Variants in GLIS1 observed in about 807,000 individuals in gnomAD.
GLIS1 encodes GLIS family zinc finger 1, also known as zinc finger protein GLIS1.
Under a neutral mutation model 63.8 loss-of-function variants are expected in GLIS1, and 24 were observed. The observed-to-expected ratio is 0.38, with a 90% CI of 0.27 to 0.53. The LOEUF is 0.53. Among genes scored for constraint, GLIS1 ranks in the 20% least tolerant of loss-of-function variants. The pLI, the probability that GLIS1 is intolerant of heterozygous loss-of-function variation, is 0.85. For missense variants in GLIS1, 1,036 were observed against 1,074.1 expected (o/e 0.96, Z 0.50); for synonymous variants, 450 against 482.5 (o/e 0.93, Z 0.88).
At chr1:53,687,109 G>A (rs1474919340) in intron 2 of GLIS1, among the ~76,000 whole-genome samples, 3 of 152,178 alleles carry the variant, frequency 2.0e-5, no homozygotes, top group African/African-American at 4.8e-5. Context: ...ACTGGAACCC[G>A]GAATCTCCTG....
chr1:53,580,015 T>C (rs1356883523), intron 4 of GLIS1, among the ~76,000 whole-genome samples: 2 of 152,214 alleles, frequency 1.3e-5, no homozygotes, highest in Non-Finnish European at 2.9e-5. Context: ...GGAAAATGCA[T>C]GTGCAGCCAC....
At chr1:53,669,119 G>C (rs1333900588) in intron 2 of GLIS1, among the ~76,000 whole-genome samples, 1 of 152,200 alleles carries the variant, frequency 6.6e-6, no homozygotes, top group Non-Finnish European at 1.5e-5. Context: ...CTAGCTCAGC[G>C]CTCCTGCAGA....
chr1:53,600,200 G>A lies in GLIS1; in HGVS notation c.338C>T (p.Pro113Leu). The change falls in exon 3 of 11, where the codon CCC becomes CTC. Residue 113 changes from proline (P) to leucine (L), a missense_variant. Around this residue, in one of 3 missense-constraint regions of GLIS1, gnomAD observed 592 missense variants for 593.9 expected, o/e 1.00. Coordinates refer to ENST00000628545, the MANE Select transcript of GLIS1 (RefSeq NM_001367484.1). ...GAGAAACAGGCCCTGGCAGCAGGTG[G>A]GGCCAGGGCCCTCAGCAAGGTCCAG... Reference protein sequence around the residue: ...LDLDLAEGPGPTCCQGLFLPA... With the variant: ...LDLDLAEGPGLTCCQGLFLPA... The A allele has an allele frequency of 1.6e-6, 2 of 1,231,290 alleles. No individual in the cohort carries two copies. Among genetic ancestry groups the A allele is most frequent in the Non-Finnish European group, 2.0e-6 (2 of 987,170 alleles). The allele number at this position is 1,231,290 out of a possible 1,614,324, so 76.3% of individuals were successfully genotyped here. A position where few individuals can be genotyped will look rare whatever the true frequency, so the allele number is the denominator to read the frequency against.
At chr1:53,577,556 A>T (rs553007012) in intron 4 of GLIS1, among the ~76,000 whole-genome samples, 29 of 152,270 alleles carry the variant, frequency 1.9e-4, no homozygotes, top group African/African-American at 7.0e-4. Context: ...TATGCCTCCC[A>T]CAAAGCAGGG....
At chr1:53,738,157 T>G in intron 1 of GLIS1, 51 bp from the exon 2 acceptor site, 2 of 1,110,582 alleles carry the variant, frequency 1.8e-6, no homozygotes, top group African/African-American at 3.2e-5. Flanking sequence ...GCGGCCCCCG[T>G]ATTGTCCCGG....
rs1644269523 is a variant in GLIS1 at position 53,509,167 on chromosome 1, AG to A, written c.2182del (p.Leu728CysfsTer97). 1 of 1,600,494 alleles carries A rather than the reference AG, an allele frequency of 6.2e-7. No homozygotes were observed. Among genetic ancestry groups the A allele is most frequent in the African/African-American group, 1.3e-5 (1 of 74,876 alleles). ...GAGGCTGTGGTAGCCATTGGGCCGCAGGGGGTTGAAACCGTGGGTCTCCCCG... is the reference window on the plus strand; with the variant it reads ...GAGGCTGTGGTAGCCATTGGGCCGCAGGGGTTGAAACCGTGGGTCTCCCCG... ...LVGETHGFNP[L>X]RPNGYHSLST... On this transcript the variant is annotated frameshift_variant, in exon 10 of 11. Transcript: ENST00000628545. LOFTEE classifies it high-confidence loss of function.
At chr1:53,551,138 C>T (rs370184036) in intron 4 of GLIS1, among the ~76,000 whole-genome samples, 95 of 152,278 alleles carry the variant, frequency 6.2e-4, no homozygotes, top group South Asian at 6.2e-3. Flanking sequence ...TGAGCCACTG[C>T]GCCCGGCCAG....
chr1:53,627,338 C>T (rs555011475), intron 2 of GLIS1, among the ~76,000 whole-genome samples: 2 of 152,172 alleles, frequency 1.3e-5, no homozygotes, highest in African/African-American at 2.4e-5. Flanking sequence ...AGGCAGTCCT[C>T]GTGGGCACCG....
intron 2 of GLIS1, among the ~76,000 whole-genome samples, chr1:53,611,321 C>T (rs1278984724): frequency 2.6e-5 from 4 of 152,152 alleles, no homozygotes; most frequent in Non-Finnish European, 4.4e-5. Context: ...AACTTCTGGG[C>T]TCAAGTGATC....
intron 7 of GLIS1, among the ~76,000 whole-genome samples, chr1:53,516,807 A>AAAAAAAC (rs1357845531): frequency 6.6e-6 from 1 of 151,930 alleles, no homozygotes; most frequent in South Asian, 2.1e-4. Context: ...CATCTCAAAA[A>AAAAAAAC]AAAAAACAAA....
At chr1:53,508,361 C>T (rs183058208) in intron 10 of GLIS1, among the ~76,000 whole-genome samples, 1 of 152,206 alleles carries the variant, frequency 6.6e-6, no homozygotes, top group African/African-American at 2.4e-5. Flanking sequence ...TGTCCCTCCA[C>T]CCTCCCGCTC....
intron 2 of GLIS1, among the ~76,000 whole-genome samples, chr1:53,633,772 A>T (rs188425109): frequency 1.1e-4 from 17 of 152,114 alleles, no homozygotes; most frequent in Non-Finnish European, 2.2e-4. Flanking sequence ...ATGCGTGCAC[A>T]CACCCAGGTG....
At chr1:53,543,844 A>T (rs1644669974) in intron 4 of GLIS1, among the ~76,000 whole-genome samples, 1 of 152,092 alleles carries the variant, frequency 6.6e-6, no homozygotes, top group Non-Finnish European at 1.5e-5. Flanking sequence ...TCCGGCTCTC[A>T]CATGAGCCTT....
At chr1:53,705,046 C>G (rs908296434) in intron 2 of GLIS1, among the ~76,000 whole-genome samples, 2 of 152,198 alleles carry the variant, frequency 1.3e-5, no homozygotes, top group Non-Finnish European at 2.9e-5. Context: ...TACCTAACAG[C>G]ATTGCGCCAA....
intron 4 of GLIS1, among the ~76,000 whole-genome samples, chr1:53,542,995 A>G (rs1415587289): frequency 6.6e-6 from 1 of 152,192 alleles, no homozygotes; most frequent in Admixed American, 6.5e-5. Flanking sequence ...AAATGACTCT[A>G]CGGGCCCCTT....
chr1:53,676,629 C>T (rs1646215712), intron 2 of GLIS1, among the ~76,000 whole-genome samples: 1 of 152,248 alleles, frequency 6.6e-6, no homozygotes, highest in South Asian at 2.1e-4. Context: ...CCCAGCCCTG[C>T]CACAGACATG....
At chr1:53,685,999 C>T (rs1458086981) in intron 2 of GLIS1, among the ~76,000 whole-genome samples, 1 of 152,182 alleles carries the variant, frequency 6.6e-6, no homozygotes, top group African/African-American at 2.4e-5. Flanking sequence ...CCCTCTGCCC[C>T]TGCCCTTCAT....
chr1:53,655,940 G>A (rs1309169977), intron 2 of GLIS1, among the ~76,000 whole-genome samples: 1 of 152,160 alleles, frequency 6.6e-6, no homozygotes, highest in Non-Finnish European at 1.5e-5. Context: ...TGGGAGTAAA[G>A]TGGTTTGTCT....
rs78112312 is a variant in GLIS1, at chr1:53,550,892, C to T, written c.1321-20940G>A. Among the ~76,000 whole-genome samples, 1,048 of 152,156 alleles carry T rather than the reference C, an allele frequency of 6.9e-3. 16 individuals carry two copies. Among genetic ancestry groups the T allele is most frequent in the African/African-American group, 0.024 (993 of 41,500 alleles). On this transcript the variant is annotated intron_variant, in intron 4 of 10. Coordinates refer to ENST00000628545, the MANE Select transcript of GLIS1 (RefSeq NM_001367484.1). ...TTTGAGACAGAGTCTTGCTCTGTGC[C>T]CAGGCTGGAGTGCAATGGCGCGATC... is the stretch of plus-strand genomic sequence containing the variant.
Sources: gnomAD v4.1 joint callset for allele counts (sites outside exome capture counted in the v4.1 genomes callset) on GRCh38, gnomAD v4.1.1 for gene constraint, gnomAD v4.1.1 regional missense constraint, MANE v1.5 for transcripts, NCBI Gene and HGNC (gene_info 2026-07-23, HGNC 2026-07-21) for gene names.